Variants in GPC6 observed in about 807,000 individuals in gnomAD.
GPC6 encodes the protein glypican 6.
A neutral mutation model predicts 55.2 loss-of-function variants in GPC6; 14 were observed. That is an observed-to-expected ratio of 0.25 (90% CI 0.17 to 0.40). The LOEUF is 0.40. Ranked by LOEUF, GPC6 falls within the 10% of genes least tolerant of loss-of-function variation. GPC6 has a pLI of 1.00. For synonymous variants in GPC6, 278 were observed against 259.6 expected (o/e 1.07, Z -0.68); for missense variants, 641 against 708.5 (o/e 0.90, Z 1.08).
At chr13:94,085,778 A>T (rs61962292) in intron 4 of GPC6, among the ~76,000 whole-genome samples, 313 of 88,568 alleles carry the variant, frequency 3.5e-3, no homozygotes, top group Non-Finnish European at 7.0e-3. Context: ...TCTTTAACGT[A>T]TGTCTGAAAA....
intron 3 of GPC6, among the ~76,000 whole-genome samples, chr13:93,855,867 T>C (rs1303938789): frequency 6.6e-6 from 1 of 151,748 alleles, no homozygotes; most frequent in Non-Finnish European, 1.5e-5. Flanking sequence ...AGTCTTTAGA[T>C]CATTTTTTGA....
chr13:93,542,979 A>G (rs1036987500), intron 1 of GPC6, among the ~76,000 whole-genome samples: 4 of 152,152 alleles, frequency 2.6e-5, no homozygotes, highest in African/African-American at 7.2e-5. Flanking sequence ...AACAGGGACA[A>G]TTTGACTTCC....
intron 4 of GPC6, among the ~76,000 whole-genome samples, chr13:94,121,942 A>G (rs552924575): frequency 1.4e-4 from 22 of 152,196 alleles, no homozygotes; most frequent in African/African-American, 5.3e-4. Context: ...GATATGAGTC[A>G]TATCTTTATC....
intron 1 of GPC6, among the ~76,000 whole-genome samples, chr13:93,453,582 G>T (rs1330219667): frequency 9.3e-5 from 12 of 129,252 alleles, no homozygotes; most frequent in South Asian, 2.3e-4. Flanking sequence ...GGCACATCTG[G>T]AGTTTGTTCC....
intron 3 of GPC6, among the ~76,000 whole-genome samples, chr13:93,949,525 T>A (rs1166134730): frequency 2.0e-5 from 3 of 152,128 alleles, no homozygotes; most frequent in Non-Finnish European, 4.4e-5. Context: ...TGAGAACAGA[T>A]CAACAAAGCT....
intron 1 of GPC6, among the ~76,000 whole-genome samples, chr13:93,402,528 C>A (rs1037048244): frequency 5.3e-5 from 8 of 152,110 alleles, no homozygotes; most frequent in Non-Finnish European, 1.2e-4. Context: ...GAAATATATT[C>A]AGTTTTGGAA....
chr13:93,456,695 T>G (rs1216283002), intron 1 of GPC6, among the ~76,000 whole-genome samples: 3 of 152,022 alleles, frequency 2.0e-5, no homozygotes, highest in East Asian at 1.9e-4. Flanking sequence ...TGGAAAAGAA[T>G]AGAGACGTAA....
chr13:93,630,177 C>T (rs762549016), intron 2 of GPC6, among the ~76,000 whole-genome samples: 1 of 152,160 alleles, frequency 6.6e-6, no homozygotes, highest in African/African-American at 2.4e-5. Flanking sequence ...ATGACATAAG[C>T]TTAATTACTC....
At chr13:94,260,822 G>A (rs1891635183) in intron 4 of GPC6, among the ~76,000 whole-genome samples, 1 of 152,124 alleles carries the variant, frequency 6.6e-6, no homozygotes, top group South Asian at 2.1e-4. Flanking sequence ...CATGGTGGAG[G>A]CTGGGTTGAA....
chr13:94,307,999 T>TA (rs970993776), intron 6 of GPC6, among the ~76,000 whole-genome samples: 53 of 151,526 alleles, frequency 3.5e-4, no homozygotes, highest in Admixed American at 5.9e-4. Flanking sequence ...ATTGTTCACT[T>TA]AAAAAAAAAC....
chr13:93,372,052 A>G (rs1467619146), intron 1 of GPC6, among the ~76,000 whole-genome samples: 2 of 152,140 alleles, frequency 1.3e-5, no homozygotes, highest in Non-Finnish European at 2.9e-5. Flanking sequence ...GATGAGCAAA[A>G]GATACACTTT....
intron 4 of GPC6, among the ~76,000 whole-genome samples, chr13:94,163,710 T>A (rs1219569994): frequency 6.6e-6 from 1 of 152,184 alleles, no homozygotes; most frequent in East Asian, 1.9e-4. Context: ...AAGGGCTGGG[T>A]GGTTCAAGAG....
intron 4 of GPC6, among the ~76,000 whole-genome samples, chr13:94,276,700 T>C (rs999400136): frequency 1.3e-5 from 2 of 152,192 alleles, no homozygotes; most frequent in African/African-American, 4.8e-5. Flanking sequence ...TTTGGTTTTC[T>C]GCACCTGTGT....
intron 1 of GPC6, among the ~76,000 whole-genome samples, chr13:93,416,464 A>G (rs1307668624): frequency 6.6e-6 from 1 of 152,092 alleles, no homozygotes; most frequent in African/African-American, 2.4e-5. Context: ...ATGTTTTGAT[A>G]CAGGCATGCA....
chr13:93,893,776 C>T (rs1432351474), intron 3 of GPC6, among the ~76,000 whole-genome samples: 2 of 152,164 alleles, frequency 1.3e-5, no homozygotes, highest in Non-Finnish European at 2.9e-5. Context: ...TATTGAGATT[C>T]GGTTGTCATC....
At chr13:93,560,214 GA>G (rs1175693959) in intron 2 of GPC6, among the ~76,000 whole-genome samples, 6 of 151,808 alleles carry the variant, frequency 4.0e-5, no homozygotes, top group Non-Finnish European at 7.4e-5. Context: ...TTTAAAAAAG[GA>G]AAAAAATAAT....
intron 2 of GPC6, among the ~76,000 whole-genome samples, chr13:93,637,875 T>A (rs9584148): frequency 0.018 from 2,798 of 152,186 alleles, 71 homozygotes; most frequent in African/African-American, 0.062. Flanking sequence ...AGGCAACATG[T>A]CCTCCATATG....
At chr13:94,196,978 G>C (rs548438052) in intron 4 of GPC6, among the ~76,000 whole-genome samples, 2 of 152,274 alleles carry the variant, frequency 1.3e-5, no homozygotes, top group African/African-American at 4.8e-5. Flanking sequence ...ATCTCTGCTG[G>C]AATAAATATA....
intron 2 of GPC6, among the ~76,000 whole-genome samples, chr13:93,603,244 G>A (rs1217966482): frequency 6.6e-6 from 1 of 152,042 alleles, no homozygotes; most frequent in Admixed American, 6.6e-5. Context: ...CTAAATTCAA[G>A]CGATCTGCCC....
Sources: gnomAD v4.1 joint callset for allele counts (sites outside exome capture counted in the v4.1 genomes callset) on GRCh38, gnomAD v4.1.1 for gene constraint, MANE v1.5 for transcripts, NCBI Gene and HGNC (gene_info 2026-07-23, HGNC 2026-07-21) for gene names.